ACY1: variants seen among roughly 807,000 people sequenced by gnomAD.
The protein encoded by ACY1 is aminoacylase 1.
Under a neutral mutation model 53.3 loss-of-function variants are expected in ACY1, and 38 were observed. That is an observed-to-expected ratio of 0.71 (90% CI 0.55 to 0.93). The LOEUF (loss-of-function observed/expected upper bound fraction) is 0.93, where lower values mean the gene tolerates loss of function less well. Ranked by LOEUF, ACY1 falls within the 40% of genes least tolerant of loss-of-function variation. ACY1 has a pLI of 0.00. For missense variants in ACY1, 484 were observed against 540.9 expected, an observed-to-expected ratio of 0.89 and a Z score of 1.04; for synonymous variants, 177 against 202.1, an observed-to-expected ratio of 0.88 and a Z score of 1.05.
In ACY1 at chr3:51,988,603, T is replaced by C. The variant is rs750876815; in HGVS notation, c.1001T>C (p.Met334Thr). Residue 334 changes from methionine (M) to threonine (T), a missense_variant and splice_region_variant, in exon 13 of 15, where the codon ATG becomes ACG. Met to Thr is a moderately conservative substitution (Grantham distance 81). Coordinates refer to ENST00000636358, the MANE Select transcript of ACY1 (RefSeq NM_000666.3). Reference protein sequence around the residue: ...WAAFSRVCKDMNLTLEPEIMP... With the variant: ...WAAFSRVCKDTNLTLEPEIMP... ...GCTTTTAGCCGGGTCTGCAAGGATA[T>C]GTGAGCACGCTGGCCAGCTCTCCTC... 4 of 1,614,182 alleles carry C rather than the reference T, an allele frequency of 2.5e-6. No individual in the cohort carries two copies. Among genetic ancestry groups the C allele is most frequent in the East Asian group, 2.2e-5 (1 of 44,886 alleles).
At chr3:51,986,550 G>A in intron 7 of ACY1, 46 bp downstream of exon 7, 2 of 1,614,106 alleles carry the variant, frequency 1.2e-6, no homozygotes, top group Non-Finnish European at 1.7e-6. Flanking sequence ...GGGAGTAGGA[G>A]GCTGCTAGTG....
intron 2 of ACY1, chr3:51,984,970 G>A: frequency 1.7e-6 from 1 of 591,744 alleles, no homozygotes; most frequent in Non-Finnish European, 3.0e-6. Context: ...ATTTAAGGAA[G>A]ATAACACCTT....
chr3:51,986,699 C>G, intron 8 of ACY1, 38 bp downstream of exon 8: 1 of 1,610,236 alleles, frequency 6.2e-7, no homozygotes, highest in Non-Finnish European at 8.5e-7. Context: ...ACTCTACAGG[C>G]GGGAGGCTAG....
chr3:51,984,342 C>T (rs1700984745), intron 2 of ACY1, 184 bp downstream of exon 2: 2 of 662,968 alleles, frequency 3.0e-6, no homozygotes, highest in East Asian at 5.4e-5. Context: ...AGGGAGGAAC[C>T]CTTTCCCCAG....
At chr3:51,986,792 C>T (rs911448010) in intron 8 of ACY1, 131 bp downstream of exon 8, 3 of 1,324,808 alleles carry the variant, frequency 2.3e-6, no homozygotes, top group Non-Finnish European at 3.2e-6. Flanking sequence ...CTCTACCTCC[C>T]AGCTCTTTCC....
In ACY1 at chr3:51,985,442, A is replaced by C. The variant is rs1701024291; in HGVS notation, c.241A>C (p.Thr81Pro). 3.7e-6 allele frequency: 6 copies of C among 1,613,862 alleles called. No homozygotes were observed. Among genetic ancestry groups the C allele is most frequent in the Non-Finnish European group, 5.1e-6 (6 of 1,179,932 alleles). The part of the protein sequence containing the change: ...TLSSILLNSH[T>P]DVVPVFKEHW... ...CTCCTCCATCTTGCTCAACTCCCAC[A>C]CGGATGTGGTGCCTGTCTTCAAGGT... Residue 81 changes from threonine (T) to proline (P), a missense_variant, in exon 4 of 15, where the codon ACG (threonine) becomes CCG (proline). By Grantham distance (38) the Thr-to-Pro change is conservative. Transcript: ENST00000636358.
Position 51,986,269 on chromosome 3 carries a change from TGAG to T in ACY1, c.379_381del (p.Arg127del), listed in dbSNP as rs1392812722. Reference sequence around the variant, plus strand: ...TGCCCCCTCAGGTACCTGGAAGCTGTGAGGAGGCTGAAGGTGGAGGGCCACCGG... The same window carrying T: ...TGCCCCCTCAGGTACCTGGAAGCTGTGAGGCTGAAGGTGGAGGGCCACCGG... On this transcript the variant is annotated inframe_deletion, in exon 6 of 15. Coordinates refer to ENST00000636358, the MANE Select transcript of ACY1 (RefSeq NM_000666.3). The T allele has an allele frequency of 6.2e-7, 1 of 1,607,660 alleles. No homozygotes were observed. The highest frequency in any genetic ancestry group is 2.2e-5 in the East Asian group (1 of 44,636).
intron 2 of ACY1, chr3:51,984,981 C>T (rs180706866): frequency 2.5e-4 from 153 of 603,130 alleles, no homozygotes; most frequent in Middle Eastern, 8.9e-4. Flanking sequence ...ATAACACCTT[C>T]CTCCAACCCT....
chr3:51,985,074 C>G, intron 2 of ACY1, 133 bp from the exon 3 acceptor site: 1 of 881,876 alleles, frequency 1.1e-6, no homozygotes, highest in Non-Finnish European at 1.8e-6. Flanking sequence ...GAAATGCAAG[C>G]ATCTCTGAGG....
Position 51,988,961 on chromosome 3 carries a change from G to GCTGCA in ACY1, c.1115_1119dup (p.Asp374CysfsTer43), listed in dbSNP as rs1701174677. On this transcript the variant is annotated frameshift_variant, in exon 15 of 15. Coordinates refer to ENST00000636358, the MANE Select transcript of ACY1 (RefSeq NM_000666.3). LOFTEE classifies it high-confidence loss of function. ...CACCCATGAACCGCACACCTGTGCTGCTGCACGACCACGATGAACGGCTGC... is the reference window on the plus strand; with the variant it reads ...CACCCATGAACCGCACACCTGTGCTGCTGCACTGCACGACCACGATGAACGGCTGC... The GCTGCA allele has an allele frequency of 6.2e-6, 10 of 1,614,078 alleles. No individual in the cohort carries two copies. The highest frequency in any genetic ancestry group is 7.6e-6 in the Non-Finnish European group (9 of 1,180,046).
chr3:51,985,116 A>ATT (rs1701010914), intron 2 of ACY1, 91 bp from the exon 3 acceptor site: 1 of 1,313,732 alleles, frequency 7.6e-7, no homozygotes, highest in Admixed American at 2.0e-5. Flanking sequence ...GCAGCAGCCC[A>ATT]TTTCTGGGTA....
chr3:51,984,434 G>A (rs1700986959), intron 2 of ACY1: 2 of 522,648 alleles, frequency 3.8e-6, no homozygotes, highest in Non-Finnish European at 6.9e-6. Context: ...GGAGTGGTGG[G>A]GGAAGCCTGA....
At chr3:51,986,230 C>G (rs1333496548) in intron 5 of ACY1, 25 bp from the exon 6 acceptor site, 1 of 1,612,636 alleles carries the variant, frequency 6.2e-7, no homozygotes, top group Admixed American at 1.7e-5. Flanking sequence ...GTGGCTCCCC[C>G]AGCACCTGGC....
rs1425093441 is a variant in ACY1, at chr3:51,987,209, G to A, written c.707+13G>A. 33 of 1,614,036 alleles carry A rather than the reference G, an allele frequency of 2.0e-5. No individual in the cohort carries two copies. Among genetic ancestry groups the A allele is most frequent in the Non-Finnish European group, 2.8e-5 (33 of 1,180,026 alleles). On this transcript the variant is annotated intron_variant, in intron 10 of 14. Transcript: ENST00000636358. ...AGGAATGGCAGAGGTGAGGCAGCCT[G>A]GGAGGCAGTGGGGTGGCTCTGGGAG...
At chr3:51,985,577 A>C in intron 4 of ACY1, 112 bp downstream of exon 4, 1 of 1,016,620 alleles carries the variant, frequency 9.8e-7, no homozygotes, top group South Asian at 1.4e-5. Flanking sequence ...CCTGACACTA[A>C]CTCTCAACAT....
At chr3:51,983,836 A>C (rs895201253) in intron 1 of ACY1, among the ~76,000 whole-genome samples, 1 of 151,902 alleles carries the variant, frequency 6.6e-6, no homozygotes, top group Non-Finnish European at 1.5e-5. Context: ...CACAAACTTC[A>C]TGGGGCTCTT....
chr3:51,987,665 G>T, intron 12 of ACY1, 41 bp downstream of exon 12: 1 of 1,603,148 alleles, frequency 6.2e-7, no homozygotes, highest in South Asian at 1.1e-5. Flanking sequence ...GTGGGAGCCG[G>T]GGGAGACCCA....
Position 51,985,937 on chromosome 3 carries a change from T to G in ACY1, c.350T>G (p.Val117Gly), listed in dbSNP as rs1271204253. 6.2e-7 allele frequency: 1 copy of G among 1,611,518 alleles called. No individual in the cohort carries two copies. The highest frequency in any genetic ancestry group is 8.5e-7 in the Non-Finnish European group (1 of 1,178,932). The change falls in exon 5 of 15, where the codon GTC becomes GGC. Residue 117 changes from valine to glycine, a missense_variant. Transcript: ENST00000636358. ...YARGAQDMKC[V>G]SIQYLEAVRR... ...AGGGGTGCCCAGGACATGAAGTGCG[T>G]CAGCATCCAGTGAGTGTCCTCCATT...
Position 51,986,300 on chromosome 3 carries a change from C to T in ACY1, c.405C>T (p.Phe135=). 3.7e-6 allele frequency: 6 copies of T among 1,613,872 alleles called. No homozygotes were observed. The highest frequency in any genetic ancestry group is 4.2e-6 in the Non-Finnish European group (5 of 1,179,970). ...VRRLKVEGHR[F]PRTIHMTFVP... Reference sequence around the variant, plus strand: ...GGCTGAAGGTGGAGGGCCACCGGTTCCCCAGAACCATCCACATGACCTTTG... The same window carrying T: ...GGCTGAAGGTGGAGGGCCACCGGTTTCCCAGAACCATCCACATGACCTTTG... The change falls in exon 6 of 15, where the codon TTC becomes TTT. Residue 135 remains phenylalanine (F), a synonymous_variant. Coordinates refer to ENST00000636358, the MANE Select transcript of ACY1 (RefSeq NM_000666.3).
Sources: gnomAD v4.1 joint callset for allele counts (sites outside exome capture counted in the v4.1 genomes callset) on GRCh38, gnomAD v4.1.1 for gene constraint, MANE v1.5 for transcripts, NCBI Gene and HGNC (gene_info 2026-07-23, HGNC 2026-07-21) for gene names.